Variants in PPP2R2B observed in about 807,000 individuals in gnomAD.
PPP2R2B encodes protein phosphatase 2 regulatory subunit Bbeta.
In PPP2R2B, 5 loss-of-function variants were observed where a neutral mutation model predicts 46.0. The observed-to-expected ratio is 0.11, with a 90% CI of 0.06 to 0.23. PPP2R2B has a LOEUF of 0.23. Among genes scored for constraint, PPP2R2B ranks in the 10% least tolerant of loss-of-function variants. The pLI is 1.00. For synonymous variants in PPP2R2B, 215 were observed against 206.7 expected (o/e 1.04, Z -0.34); for missense variants, 367 against 575.0 (o/e 0.64, Z 3.70).
intron 2 of PPP2R2B, among the ~76,000 whole-genome samples, chr5:146,821,147 A>G (rs1327432686): frequency 6.6e-6 from 1 of 151,950 alleles, no homozygotes; most frequent in African/African-American, 2.4e-5. Context: ...AAACACACAC[A>G]ATACACAATC....
intron 2 of PPP2R2B, chr5:146,707,643 T>C: frequency 1.7e-6 from 1 of 587,666 alleles, no homozygotes; most frequent in East Asian, 2.8e-5. Flanking sequence ...CAGGCGGAGA[T>C]TCCAGAAGGA....
chr5:146,742,765 G>A (rs537712211), intron 2 of PPP2R2B, among the ~76,000 whole-genome samples: 1 of 152,182 alleles, frequency 6.6e-6, no homozygotes, highest in South Asian at 2.1e-4. Context: ...GTTGCGATGA[G>A]GTCATTAGGG....
intron 1 of PPP2R2B, among the ~76,000 whole-genome samples, chr5:146,885,543 C>A (rs1409304611): frequency 6.6e-6 from 1 of 152,190 alleles, no homozygotes; most frequent in East Asian, 1.9e-4. Flanking sequence ...TATAACAATG[C>A]AGCCACAAAT....
At chr5:146,784,286 A>G (rs1307176424) in intron 2 of PPP2R2B, among the ~76,000 whole-genome samples, 1 of 152,232 alleles carries the variant, frequency 6.6e-6, no homozygotes, top group Admixed American at 6.5e-5. Flanking sequence ...TGAGAAGAGG[A>G]CAGCCTCAGT....
chr5:147,015,974 A>G (rs962289216), intron 1 of PPP2R2B, among the ~76,000 whole-genome samples: 1 of 151,446 alleles, frequency 6.6e-6, no homozygotes, highest in Non-Finnish European at 1.5e-5. Flanking sequence ...AAATGTCTTA[A>G]TTTGTCTCTA....
At chr5:146,921,336 C>A (rs1009813898) in intron 1 of PPP2R2B, among the ~76,000 whole-genome samples, 2 of 152,180 alleles carry the variant, frequency 1.3e-5, no homozygotes, top group East Asian at 1.9e-4. Flanking sequence ...GGAGTACAAC[C>A]TGATAGCCCC....
intron 1 of PPP2R2B, among the ~76,000 whole-genome samples, chr5:147,018,939 A>C (rs1365796529): frequency 6.6e-6 from 1 of 152,196 alleles, no homozygotes; most frequent in African/African-American, 2.4e-5. Flanking sequence ...AATGAATTAG[A>C]ATGATCAAAA....
At chr5:147,065,377 T>G (rs1454256586) in intron 2 of PPP2R2B, among the ~76,000 whole-genome samples, 1 of 152,002 alleles carries the variant, frequency 6.6e-6, no homozygotes, top group Non-Finnish European at 1.5e-5. Context: ...TGAGGGGATA[T>G]GGCATTAGAG....
At chr5:146,856,451 T>A (rs770437575) in intron 2 of PPP2R2B, 1 of 1,404,814 alleles carries the variant, frequency 7.1e-7, no homozygotes, top group Non-Finnish European at 1.0e-6. Flanking sequence ...AACACTTCTA[T>A]ACTGCTACTT....
intron 1 of PPP2R2B, among the ~76,000 whole-genome samples, chr5:146,974,330 G>A (rs1326533309): frequency 6.6e-6 from 1 of 152,162 alleles, no homozygotes; most frequent in East Asian, 1.9e-4. Context: ...CCAGCCATGA[G>A]GCAGGGTTCA....
chr5:146,929,442 G>A (rs963054485), intron 1 of PPP2R2B, among the ~76,000 whole-genome samples: 1 of 151,952 alleles, frequency 6.6e-6, no homozygotes, highest in Admixed American at 6.6e-5. Flanking sequence ...CCAAATGTGA[G>A]AACACTTTCC....
chr5:146,639,909 C>T (rs1290790830), intron 6 of PPP2R2B, among the ~76,000 whole-genome samples: 2 of 152,156 alleles, frequency 1.3e-5, no homozygotes, highest in Admixed American at 6.5e-5. Context: ...TTATGCACCA[C>T]ATTTTGGACA....
intron 2 of PPP2R2B, among the ~76,000 whole-genome samples, chr5:147,074,538 G>A (rs1757702306): frequency 6.6e-6 from 1 of 152,186 alleles, no homozygotes; most frequent in Non-Finnish European, 1.5e-5. Context: ...ATAAAATGAG[G>A]TGAAGGCTAC....
Position 146,996,476 on chromosome 5 carries a change from A to T in PPP2R2B, c.79+59189T>A, listed in dbSNP as rs144533485. On this transcript the variant is annotated intron_variant, in intron 1 of 8. Transcript: ENST00000336640. ...GGATTTAGGGAAATGGAACAACTTCAGCACCACACTGAGAAGACGGGATTG... is the reference window on the plus strand; with the variant it reads ...GGATTTAGGGAAATGGAACAACTTCTGCACCACACTGAGAAGACGGGATTG... Among the ~76,000 whole-genome samples, 122 of 152,316 alleles carry T rather than the reference A, an allele frequency of 8.0e-4. 1 individual carries two copies. The East Asian group carries it at 0.021, about 26-fold the overall frequency.
chr5:146,870,319 A>G (rs1057264875), intron 2 of PPP2R2B, among the ~76,000 whole-genome samples: 3 of 152,184 alleles, frequency 2.0e-5, no homozygotes, highest in African/African-American at 7.2e-5. Flanking sequence ...TAAGGAGATA[A>G]TTAAGATTAA....
chr5:146,648,113 C>T (rs113978560), intron 6 of PPP2R2B, among the ~76,000 whole-genome samples: 67 of 152,312 alleles, frequency 4.4e-4, no homozygotes, highest in African/African-American at 1.5e-3. Flanking sequence ...TCCTAGGCTG[C>T]CTTGCAGTTA....
chr5:146,685,178 G>A (rs1174149513), intron 5 of PPP2R2B, among the ~76,000 whole-genome samples: 1 of 151,186 alleles, frequency 6.6e-6, no homozygotes, highest in East Asian at 2.0e-4. Flanking sequence ...CAAGTGCCAT[G>A]CCATAAATAG....
chr5:146,825,104 A>G (rs531223622), intron 2 of PPP2R2B, among the ~76,000 whole-genome samples: 214 of 152,342 alleles, frequency 1.4e-3, no homozygotes, highest in African/African-American at 4.7e-3. Context: ...AACTCCGCTG[A>G]TATTTTAAAT....
At chr5:146,665,211 G>C (rs1353441526) in intron 5 of PPP2R2B, among the ~76,000 whole-genome samples, 1 of 152,202 alleles carries the variant, frequency 6.6e-6, no homozygotes, top group Non-Finnish European at 1.5e-5. Flanking sequence ...AGCTATGAAA[G>C]TCCTAGATTG....
Sources: allele counts gnomAD v4.1 joint callset (sites outside exome capture counted in the v4.1 genomes callset), GRCh38; gene constraint gnomAD v4.1.1; transcripts MANE v1.5; gene names NCBI Gene and HGNC (gene_info 2026-07-23, HGNC 2026-07-21).